The following MNDA variants were observed in gnomAD, a reference collection of about 807,000 sequenced individuals.
MNDA encodes myeloid cell nuclear differentiation antigen.
In MNDA, 43 loss-of-function variants were observed where a neutral mutation model predicts 37.8. The ratio of observed to expected loss-of-function variants is 1.14; its 90% CI spans 0.89 to 1.47. The LOEUF (loss-of-function observed/expected upper bound fraction) is 1.47, where lower values mean the gene tolerates loss of function less well. Among genes scored for constraint, MNDA ranks in the 40% most tolerant of loss-of-function variants. The pLI is 0.00. For synonymous variants in MNDA, 181 were observed against 169.0 expected (o/e 1.07, Z -0.55); for missense variants, 536 against 476.0 (o/e 1.13, Z -1.17).
chr1:158,833,082 C>G (rs1386685241), intron 1 of MNDA, among the ~76,000 whole-genome samples: 1 of 152,118 alleles, frequency 6.6e-6, no homozygotes, highest in Non-Finnish European at 1.5e-5. Context: ...ACAACTTCAC[C>G]TGTTAAGAGT....
intron 5 of MNDA, 102 bp from the exon 6 acceptor site, chr1:158,847,626 A>G (rs901615132): frequency 3.6e-6 from 4 of 1,104,798 alleles, no homozygotes; most frequent in Non-Finnish European, 5.2e-6. Context: ...TGTACCTGTC[A>G]TTCCTGTCGT....
At chr1:158,834,065 C>G (rs1054496499) in intron 1 of MNDA, among the ~76,000 whole-genome samples, 2 of 151,950 alleles carry the variant, frequency 1.3e-5, no homozygotes, top group African/African-American at 4.8e-5. Flanking sequence ...ATCCTAGGAG[C>G]TCCGATGTTT....
intron 4 of MNDA, 93 bp downstream of exon 4, chr1:158,844,215 A>G (rs1301651434): frequency 8.4e-7 from 1 of 1,194,660 alleles, no homozygotes; most frequent in Non-Finnish European, 1.1e-6. Context: ...ATAACTCTTC[A>G]TATTACTGAT....
In MNDA at chr1:158,844,087, T is replaced by C. The variant is rs1181540512; in HGVS notation, c.535T>C (p.Ser179Pro). 6.2e-7 allele frequency: 1 copy of C among 1,601,774 alleles called. No homozygotes were observed. Among genetic ancestry groups the C allele is most frequent in the South Asian group, 1.1e-5 (1 of 89,312 alleles). Residue 179 changes from serine to proline, a missense_variant, in exon 4 of 7, where the codon TCA (serine) becomes CCA (proline). Physicochemically the swap from Ser to Pro is moderately conservative, Grantham distance 74 (BLOSUM62 -1). Coordinates refer to ENST00000368141, the MANE Select transcript of MNDA (RefSeq NM_002432.3). ...AVDHPPLPQT[S>P]SSTPSNTSFT... ...GGATCATCCCCCACTACCCCAGACC[T>C]CATCATCAACTCCATCCAACACTTC... is the stretch of plus-strand genomic sequence containing the variant.
intron 3 of MNDA, among the ~76,000 whole-genome samples, 165 bp from the exon 4 acceptor site, chr1:158,843,790 A>G (rs1233504497): frequency 1.3e-5 from 2 of 152,152 alleles, no homozygotes; most frequent in East Asian, 1.9e-4. Context: ...GCCCAATATT[A>G]TCTATTGTCC....
chr1:158,842,157 G>T lies in MNDA; in HGVS notation c.4G>T (p.Val2Leu). Reference sequence around the variant, plus strand: ...AGGCCAAGCTATAACATCAGAAATGGTGAATGAATACAAGAAAATTCTTTT... The same window carrying T: ...AGGCCAAGCTATAACATCAGAAATGTTGAATGAATACAAGAAAATTCTTTT... MVNEYKKILLLK... is the reference protein window; with the variant it reads MLNEYKKILLLK... The change falls in exon 2 of 7, where the codon GTG becomes TTG. Residue 2 changes from valine to leucine, a missense_variant. By Grantham distance (32) the Val-to-Leu change is conservative (BLOSUM62 1). Transcript: ENST00000368141. 1 of 1,609,210 alleles carries T rather than the reference G, an allele frequency of 6.2e-7. No homozygotes were observed. Among genetic ancestry groups the T allele is most frequent in the Non-Finnish European group, 8.5e-7 (1 of 1,177,760 alleles).
In MNDA at chr1:158,845,473, C is replaced by T. The variant is rs961556252; in HGVS notation, c.571-114C>T. On this transcript the variant is annotated intron_variant, in intron 4 of 6. Transcript: ENST00000368141. ...GCCAGGATGGTCTCGATCTTCTGAC[C>T]TCGTGATCCACCCGCCTCGGCTTCC... The T allele has an allele frequency of 3.0e-6, 3 of 1,000,254 alleles. No individual in the cohort carries two copies. In the African/African-American group the frequency reaches 4.9e-5, roughly 16 times the overall value. 62.0% of individuals were successfully genotyped at this position (1,000,254 alleles called of 1,614,324 possible).
rs1359483092 is a variant in MNDA, at chr1:158,842,163, G to T, written c.10G>T (p.Glu4Ter). 4 of 1,610,112 alleles carry T rather than the reference G, an allele frequency of 2.5e-6. No homozygotes were observed. Among genetic ancestry groups the T allele is most frequent in the Middle Eastern group, 1.8e-4 (1 of 5,680 alleles). MVN[E>*]YKKILLLKGF... ...AGCTATAACATCAGAAATGGTGAAT[G>T]AATACAAGAAAATTCTTTTGCTGAA... Residue 4 changes from glutamate to a stop codon, truncating the protein, a stop_gained, in exon 2 of 7, where the codon GAA becomes TAA. Coordinates refer to ENST00000368141, the MANE Select transcript of MNDA (RefSeq NM_002432.3). LOFTEE classifies it high-confidence loss of function.
rs145064721 is a variant in MNDA at position 158,838,387 on chromosome 1, A to T, written c.-20-3747A>T. On this transcript the variant is annotated intron_variant, in intron 1 of 6. Transcript: ENST00000368141. ...TTGATGGACAGACTTTTCTTTAAAC[A>T]CTTGAAATGTATTGTCCCACTACCT... Among the ~76,000 whole-genome samples the T allele has an allele frequency of 1.9e-3, 287 of 152,148 alleles. 2 individuals carry two copies. Among genetic ancestry groups the T allele is most frequent in the African/African-American group, 6.6e-3 (275 of 41,552 alleles).
At position 158,846,173 on chromosome 1, in the gene MNDA, C is replaced by T. The variant is rs1571660699; in HGVS notation, c.987+170C>T. ...TAGGACTAAGTGACCTATTAACTTT[C>T]TTACGCCAAAATAAATGTAGGGACT... On this transcript the variant is annotated intron_variant, in intron 5 of 6. Transcript: ENST00000368141. Among the ~76,000 whole-genome samples the T allele has an allele frequency of 2.6e-5, 4 of 152,160 alleles. No individual in the cohort carries two copies. The South Asian group carries it at 8.3e-4, about 32-fold the overall frequency.
intron 2 of MNDA, among the ~76,000 whole-genome samples, chr1:158,843,049 T>C (rs1009893209): frequency 1.3e-5 from 2 of 152,210 alleles, no homozygotes; most frequent in Non-Finnish European, 2.9e-5. Context: ...ATGTTCTCAC[T>C]GCAAAGGGGA....
intron 1 of MNDA, among the ~76,000 whole-genome samples, chr1:158,840,460 T>C (rs1659009427): frequency 6.6e-6 from 1 of 152,148 alleles, no homozygotes; most frequent in South Asian, 2.1e-4. Context: ...ACTTGCTCAC[T>C]ATCACAAGAT....
Position 158,840,252 on chromosome 1 carries a change from G to A in MNDA, c.-20-1882G>A, listed in dbSNP as rs114459695. Among the ~76,000 whole-genome samples the A allele has an allele frequency of 7.7e-3, 1,173 of 152,084 alleles. 16 individuals carry two copies. Among genetic ancestry groups the A allele is most frequent in the African/African-American group, 0.027 (1,100 of 41,450 alleles). On this transcript the variant is annotated intron_variant, in intron 1 of 6. Transcript: ENST00000368141. The stretch of plus-strand genomic sequence containing the variant: ...AGCCACTGTATTAGTTCCTTCTCAC[G>A]CTGCTATGAAGAAATACCTGAGACT...
chr1:158,833,917 T>C (rs1015353599), intron 1 of MNDA, among the ~76,000 whole-genome samples: 2 of 152,078 alleles, frequency 1.3e-5, no homozygotes, highest in Admixed American at 6.6e-5. Flanking sequence ...ATTTTAAGAG[T>C]AAGAATCATA....
chr1:158,843,268 T>C lies in MNDA; in HGVS notation c.266-11T>C. 6.9e-6 allele frequency: 11 copies of C among 1,603,164 alleles called. No individual in the cohort carries two copies. The highest frequency in any genetic ancestry group is 9.4e-6 in the Non-Finnish European group (11 of 1,176,062). The stretch of plus-strand genomic sequence containing the variant: ...TAGGCCTATTGTGCCCTTTTTCTTT[T>C]CTTTTGTCAGTTGCTAAGAAAATTA... On this transcript the variant is annotated splice_polypyrimidine_tract_variant and intron_variant, in intron 2 of 6. Coordinates refer to ENST00000368141, the MANE Select transcript of MNDA (RefSeq NM_002432.3).
chr1:158,847,633 T>A, intron 5 of MNDA, 95 bp from the exon 6 acceptor site: 2 of 1,165,438 alleles, frequency 1.7e-6, no homozygotes, highest in South Asian at 1.5e-5. Context: ...GTCATTCCTG[T>A]CGTGCATATT....
intron 1 of MNDA, among the ~76,000 whole-genome samples, chr1:158,837,211 T>A (rs1398420541): frequency 6.6e-6 from 1 of 151,912 alleles, no homozygotes; most frequent in African/African-American, 2.4e-5. Flanking sequence ...CTGTTAGATA[T>A]AATTGGTCTA....
chr1:158,847,680 T>G (rs1659162328), intron 5 of MNDA, 48 bp from the exon 6 acceptor site: 1 of 1,543,902 alleles, frequency 6.5e-7, no homozygotes, highest in South Asian at 1.2e-5. Context: ...CTCATCTATA[T>G]GATACTAACA....
intron 1 of MNDA, among the ~76,000 whole-genome samples, chr1:158,841,670 C>T (rs1431929953): frequency 6.6e-6 from 1 of 151,994 alleles, no homozygotes; most frequent in Admixed American, 6.6e-5. Context: ...AGGTTATTCA[C>T]ATAAGGTGAG....
Sources: allele counts gnomAD v4.1 joint callset (sites outside exome capture counted in the v4.1 genomes callset), GRCh38; gene constraint gnomAD v4.1.1; transcripts MANE v1.5; gene names NCBI Gene and HGNC (gene_info 2026-07-23, HGNC 2026-07-21).